Variants in ZC3H6 observed in about 807,000 individuals in gnomAD.
The protein encoded by ZC3H6 is zinc finger CCCH domain-containing protein 6.
Under a neutral mutation model 107.7 loss-of-function variants are expected in ZC3H6, and 40 were observed. The ratio of observed to expected loss-of-function variants is 0.37; its 90% CI spans 0.29 to 0.48. The LOEUF is 0.48. ZC3H6 is among the 20% of genes least tolerant of loss of function. ZC3H6 has a pLI of 0.98. For synonymous variants in ZC3H6, 493 were observed against 487.9 expected (o/e 1.01, Z -0.14); for missense variants, 1,267 against 1,410.4 (o/e 0.90, Z 1.63).
At chr2:112,322,143 C>T (rs1676813501) in intron 8 of ZC3H6, among the ~76,000 whole-genome samples, 1 of 149,220 alleles carries the variant, frequency 6.7e-6, no homozygotes, top group Non-Finnish European at 1.5e-5. Flanking sequence ...CTCCTTCCCT[C>T]CTTCCTTCCT....
rs1314568659 is a variant in ZC3H6 at position 112,331,384 on chromosome 2, T to C, written c.2466T>C (p.Asp822=). 7 of 1,613,380 alleles carry C rather than the reference T, an allele frequency of 4.3e-6. No individual in the cohort carries two copies. The East Asian group carries it at 1.6e-4, about 36-fold the overall frequency. The change falls in exon 12 of 12, where the codon GAT becomes GAC. Residue 822 remains aspartate, a synonymous_variant. Transcript: ENST00000409871. ...AGTNVKHKRG[D]DDDEDTEREL... ...CTAATGTCAAACACAAAAGAGGCGA[T>C]GATGATGATGAAGATACAGAAAGAG...
intron 1 of ZC3H6, chr2:112,286,465 G>T (rs942054743): frequency 5.1e-5 from 8 of 157,288 alleles, no homozygotes; most frequent in African/African-American, 1.9e-4. Context: ...TGGAAACAAG[G>T]TTGGCTCTGT....
intron 2 of ZC3H6, among the ~76,000 whole-genome samples, chr2:112,301,027 T>C (rs140202980): frequency 1.3e-5 from 2 of 152,304 alleles, no homozygotes; most frequent in African/African-American, 4.8e-5. Flanking sequence ...AGCCAAACGA[T>C]AGACAGCAAC....
intron 1 of ZC3H6, among the ~76,000 whole-genome samples, chr2:112,293,339 G>A (rs1676157119): frequency 1.3e-5 from 2 of 152,200 alleles, no homozygotes; most frequent in South Asian, 2.1e-4. Context: ...TGCCATGGCT[G>A]TAAATAGTCA....
chr2:112,302,666 G>C (rs917985478), intron 2 of ZC3H6, among the ~76,000 whole-genome samples: 1 of 152,030 alleles, frequency 6.6e-6, no homozygotes, highest in Non-Finnish European at 1.5e-5. Context: ...GCTTACTCTT[G>C]ATATCAATTA....
chr2:112,307,725 C>T (rs1676504184), intron 3 of ZC3H6, among the ~76,000 whole-genome samples: 1 of 152,088 alleles, frequency 6.6e-6, no homozygotes, highest in Non-Finnish European at 1.5e-5. Context: ...AAGTCTTTAA[C>T]CACAAAAGGA....
intron 2 of ZC3H6, 101 bp downstream of exon 2, chr2:112,300,130 G>A: frequency 2.6e-6 from 2 of 756,506 alleles, no homozygotes; most frequent in South Asian, 4.7e-5. Flanking sequence ...TAAAACATGT[G>A]GATTAGATAT....
In ZC3H6 at chr2:112,336,909, C is replaced by T. The variant is rs890492228; in HGVS notation, c.*4421C>T. The T allele has an allele frequency of 1.3e-5, 2 of 152,156 alleles. No individual in the cohort carries two copies. Among genetic ancestry groups the T allele is most frequent in the African/African-American group, 4.8e-5 (2 of 41,424 alleles). The allele number at this position is 152,156 out of a possible 1,614,324, so 9.4% of individuals were successfully genotyped here. A position where few individuals can be genotyped will look rare whatever the true frequency, so the allele number is the denominator to read the frequency against. ...TTTTTATACTTGCCATAGAAACAAG[C>T]CTAGTTGTAGGCCTACAGTGGGTGC... On this transcript the variant is annotated 3_prime_UTR_variant, in exon 12 of 12. Transcript: ENST00000409871.
At chr2:112,290,446 G>A (rs1181161178) in intron 1 of ZC3H6, among the ~76,000 whole-genome samples, 9 of 152,352 alleles carry the variant, frequency 5.9e-5, no homozygotes, top group African/African-American at 2.2e-4. Context: ...TTCCCCTGTT[G>A]TGTGTGCTCA....
intron 1 of ZC3H6, among the ~76,000 whole-genome samples, chr2:112,287,599 G>A (rs1686630585): frequency 6.6e-6 from 1 of 152,016 alleles, no homozygotes; most frequent in African/African-American, 2.4e-5. Flanking sequence ...CAAATTTGTT[G>A]GAAAAAAAAT....
intron 1 of ZC3H6, among the ~76,000 whole-genome samples, chr2:112,278,410 C>A (rs1248650325): frequency 6.6e-6 from 1 of 152,210 alleles, no homozygotes; most frequent in African/African-American, 2.4e-5. Context: ...CTCCACTTCC[C>A]GCCTTCACAC....
At position 112,338,734 on chromosome 2, in the gene ZC3H6, T is replaced by C. The variant is rs1677179946; in HGVS notation, c.*6246T>C. Reference sequence around the variant, plus strand: ...TATCAGAGGTCTGATATGTAATTTATTGTAAAGAAATTAAATATATAGAGG... The same window carrying C: ...TATCAGAGGTCTGATATGTAATTTACTGTAAAGAAATTAAATATATAGAGG... On this transcript the variant is annotated 3_prime_UTR_variant, in exon 12 of 12. Coordinates refer to ENST00000409871, the MANE Select transcript of ZC3H6 (RefSeq NM_198581.3). The C allele has an allele frequency of 6.6e-6, 1 of 151,486 alleles. No homozygotes were observed. The highest frequency in any genetic ancestry group is 1.5e-5 in the Non-Finnish European group (1 of 67,866). 9.4% of individuals were successfully genotyped at this position (151,486 alleles called of 1,614,324 possible). A position where few individuals can be genotyped will look rare whatever the true frequency, so the allele number is the denominator to read the frequency against.
At chr2:112,312,707 A>G (rs750771031) in intron 5 of ZC3H6, among the ~76,000 whole-genome samples, 44 of 151,998 alleles carry the variant, frequency 2.9e-4, no homozygotes, top group Non-Finnish European at 5.7e-4. Context: ...CAAAAATACA[A>G]GAATTTGTCG....
chr2:112,312,128 C>T, intron 5 of ZC3H6, 191 bp downstream of exon 5: 1 of 540,012 alleles, frequency 1.9e-6, no homozygotes, highest in Non-Finnish European at 2.9e-6. Context: ...ACAGATTTTG[C>T]TGACTTTGAA....
rs1440883294 is a variant in ZC3H6 at position 112,331,975 on chromosome 2, G to T, written c.3057G>T (p.Gly1019=). 3 of 1,613,856 alleles carry T rather than the reference G, an allele frequency of 1.9e-6. No individual in the cohort carries two copies. In the Admixed American group the frequency reaches 5.0e-5, roughly 27 times the overall value. Residue 1019 remains glycine, a synonymous_variant, in exon 12 of 12, where the codon GGG becomes GGT. Coordinates refer to ENST00000409871, the MANE Select transcript of ZC3H6 (RefSeq NM_198581.3). The part of the protein sequence containing the change: ...SGAGTSNSGS[G]ALPPYAPKLS... ...CAGGAACTAGCAATTCTGGTTCCGGGGCTCTGCCTCCATATGCCCCTAAAC... is the reference window on the plus strand; with the variant it reads ...CAGGAACTAGCAATTCTGGTTCCGGTGCTCTGCCTCCATATGCCCCTAAAC...
chr2:112,300,643 A>G (rs1375732144), intron 2 of ZC3H6, among the ~76,000 whole-genome samples: 2 of 152,206 alleles, frequency 1.3e-5, no homozygotes, highest in African/African-American at 4.8e-5. Flanking sequence ...TTGTCCATCT[A>G]TTTATTATTC....
intron 1 of ZC3H6, among the ~76,000 whole-genome samples, chr2:112,279,550 A>G (rs1686490549): frequency 6.6e-6 from 1 of 152,098 alleles, no homozygotes; most frequent in South Asian, 2.1e-4. Flanking sequence ...TACATAAACA[A>G]CCTCCCCACC....
intron 8 of ZC3H6, among the ~76,000 whole-genome samples, 183 bp downstream of exon 8, chr2:112,322,048 G>A (rs1211547186): frequency 6.6e-6 from 1 of 151,770 alleles, no homozygotes; most frequent in African/African-American, 2.4e-5. Flanking sequence ...AAAATGAGGA[G>A]TTAGCTATCT....
In ZC3H6 at chr2:112,303,297, T is replaced by G; in HGVS notation, c.282T>G (p.Ser94Arg). 6.2e-7 allele frequency: 1 copy of G among 1,613,384 alleles called. No individual in the cohort carries two copies. The highest frequency in any genetic ancestry group is 1.7e-4 in the Middle Eastern group (1 of 6,060). The change falls in exon 3 of 12, where the codon AGT becomes AGG. Residue 94 changes from serine (S) to arginine (R), a missense_variant. Ser to Arg is a moderately radical substitution (Grantham distance 110). Around this residue, in one of 3 missense-constraint regions of ZC3H6, gnomAD observed 337 missense variants for 361.2 expected, o/e 0.93. Transcript: ENST00000409871. ...ATTCAGATGTTGAACATACAGAAAG[T>G]TCCCATAAAAAAAGAACTGGTTTCT... ...SLDSDVEHTE[S>R]SHKKRTGFYR...
Sources: allele counts gnomAD v4.1 joint callset (sites outside exome capture counted in the v4.1 genomes callset), GRCh38; gene constraint gnomAD v4.1.1; regional missense constraint gnomAD v4.1.1; transcripts MANE v1.5; gene names NCBI Gene and HGNC (gene_info 2026-07-23, HGNC 2026-07-21).